WWOX: variants seen among roughly 807,000 people sequenced by gnomAD.
The protein encoded by WWOX is WW domain containing oxidoreductase, also known as WW domain-containing oxidoreductase.
Under a neutral mutation model 46.2 loss-of-function variants are expected in WWOX, and 69 were observed. The observed-to-expected ratio is 1.49, with a 90% CI of 1.23 to 1.82. WWOX has a LOEUF of 1.82. Among genes scored for constraint, WWOX ranks in the 40% most tolerant of loss-of-function variants. The pLI is 0.00. For synonymous variants in WWOX, 359 were observed against 202.6 expected (o/e 1.77, Z -6.56); for missense variants, 919 against 542.6 (o/e 1.69, Z -6.89).
chr16:79,211,521 C>A, intron 8 of WWOX, 87 bp from the exon 9 acceptor site: 2 of 1,562,930 alleles, frequency 1.3e-6, no homozygotes, highest in Non-Finnish European at 1.7e-6. Flanking sequence ...GTGGGGGAGG[C>A]CTGCTAATGC....
chr16:78,287,206 C>T (rs1032172676), intron 5 of WWOX, among the ~76,000 whole-genome samples: 1 of 152,258 alleles, frequency 6.6e-6, no homozygotes, highest in Non-Finnish European at 1.5e-5. Context: ...AATGAGGCTT[C>T]ATGCTTCCTA....
intron 8 of WWOX, chr16:78,552,937 C>G (rs1488129914): frequency 1.3e-5 from 2 of 152,196 alleles, no homozygotes; most frequent in Non-Finnish European, 2.9e-5. Flanking sequence ...TGGGAAAGCC[C>G]CAGGGTTGGG....
intron 5 of WWOX, among the ~76,000 whole-genome samples, chr16:78,374,435 G>A (rs887465481): frequency 6.7e-6 from 1 of 150,294 alleles, no homozygotes; most frequent in South Asian, 2.1e-4. Context: ...ATTTGGTCCT[G>A]TAGCTACTCC....
At chr16:79,131,603 T>C (rs2049879858) in intron 8 of WWOX, among the ~76,000 whole-genome samples, 1 of 152,188 alleles carries the variant, frequency 6.6e-6, no homozygotes, top group East Asian at 1.9e-4. Flanking sequence ...AACCTTGTCA[T>C]AGTTAAAGTC....
intron 5 of WWOX, among the ~76,000 whole-genome samples, chr16:78,198,274 TGGATTCCTACCAGA>T (rs1180777531): frequency 6.6e-6 from 1 of 152,192 alleles, no homozygotes; most frequent in Non-Finnish European, 1.5e-5. Context: ...TCCTGGGAAC[TGGATTCCTACCAGA>T]GGAATTAGAA....
Position 78,639,065 on chromosome 16 carries a change from G to C in WWOX, c.1056+206313G>C, listed in dbSNP as rs547070074. Among the ~76,000 whole-genome samples, 8 of 152,266 alleles carry C rather than the reference G, an allele frequency of 5.3e-5. No individual in the cohort carries two copies. In the South Asian group the frequency reaches 1.7e-3, roughly 32 times the overall value. On this transcript the variant is annotated intron_variant, in intron 8 of 8. Coordinates refer to ENST00000566780, the MANE Select transcript of WWOX (RefSeq NM_016373.4). Reference sequence around the variant, plus strand: ...GGGGGATGAACAGAAACACACTTTAGTGCTAGAAAAGCTGGGCCTAAAAGA... The same window carrying C: ...GGGGGATGAACAGAAACACACTTTACTGCTAGAAAAGCTGGGCCTAAAAGA...
intron 8 of WWOX, among the ~76,000 whole-genome samples, chr16:78,533,949 G>C (rs1480180217): frequency 6.6e-6 from 1 of 152,202 alleles, no homozygotes; most frequent in Non-Finnish European, 1.5e-5. Context: ...CAGATACAGA[G>C]TAGTAACCCT....
chr16:78,332,652 C>G (rs1313086863), intron 5 of WWOX, among the ~76,000 whole-genome samples: 1 of 152,108 alleles, frequency 6.6e-6, no homozygotes, highest in Non-Finnish European at 1.5e-5. Flanking sequence ...TCCTCTCTGT[C>G]ATTGTGATTG....
intron 8 of WWOX, among the ~76,000 whole-genome samples, chr16:78,792,390 C>G (rs975859326): frequency 6.6e-6 from 1 of 152,118 alleles, no homozygotes; most frequent in African/African-American, 2.4e-5. Flanking sequence ...CAGGCAGAAA[C>G]ATAAAAAGCT....
At chr16:78,409,176 T>C (rs1325274143) in intron 6 of WWOX, among the ~76,000 whole-genome samples, 1 of 152,190 alleles carries the variant, frequency 6.6e-6, no homozygotes, top group Non-Finnish European at 1.5e-5. Flanking sequence ...CTTTTAGAAA[T>C]ACAGAAAGTC....
chr16:79,000,092 T>C lies in WWOX; in HGVS notation c.1057-211516T>C, dbSNP rs550538012. Among the ~76,000 whole-genome samples, 8 of 152,288 alleles carry C rather than the reference T, an allele frequency of 5.3e-5. No homozygotes were observed. The East Asian group carries it at 1.5e-3, about 29-fold the overall frequency. The stretch of plus-strand genomic sequence containing the variant: ...CTGGGATAAAAACCAGGATCCTTCA[T>C]GTGTCTGAGCAGGCTTCCCACCATT... On this transcript the variant is annotated intron_variant, in intron 8 of 8. Coordinates refer to ENST00000566780, the MANE Select transcript of WWOX (RefSeq NM_016373.4).
chr16:78,280,224 C>G (rs1407462774), intron 5 of WWOX, among the ~76,000 whole-genome samples: 2 of 152,180 alleles, frequency 1.3e-5, no homozygotes, highest in Non-Finnish European at 2.9e-5. Flanking sequence ...ACTTTATCGT[C>G]CATTGCTGGG....
intron 8 of WWOX, among the ~76,000 whole-genome samples, chr16:78,965,643 A>G (rs2046350780): frequency 6.6e-6 from 1 of 151,402 alleles, no homozygotes; most frequent in Non-Finnish European, 1.5e-5. Flanking sequence ...TGGCACTGTT[A>G]GCATCTCTGG....
chr16:78,112,362 T>A (rs2032540201), intron 3 of WWOX, among the ~76,000 whole-genome samples: 1 of 152,210 alleles, frequency 6.6e-6, no homozygotes, highest in South Asian at 2.1e-4. Context: ...TCCCATGTTA[T>A]CAGTTTGTGT....
At chr16:79,109,296 C>T (rs2049371049) in intron 8 of WWOX, among the ~76,000 whole-genome samples, 1 of 152,182 alleles carries the variant, frequency 6.6e-6, no homozygotes, top group African/African-American at 2.4e-5. Flanking sequence ...CCTTGTCTCC[C>T]AGACCCCCAG....
chr16:78,771,617 C>T (rs1282869098), intron 8 of WWOX, among the ~76,000 whole-genome samples: 2 of 151,960 alleles, frequency 1.3e-5, no homozygotes, highest in African/African-American at 4.8e-5. Flanking sequence ...ACTAGAAATA[C>T]AAAAATTGGG....
intron 8 of WWOX, among the ~76,000 whole-genome samples, chr16:78,767,424 C>G (rs2049949435): frequency 6.6e-6 from 1 of 151,976 alleles, no homozygotes; most frequent in Non-Finnish European, 1.5e-5. Context: ...GCCACCACAC[C>G]TGCCACAAAA....
At chr16:78,623,824 A>C (rs1219011964) in intron 8 of WWOX, among the ~76,000 whole-genome samples, 1 of 152,130 alleles carries the variant, frequency 6.6e-6, no homozygotes, top group East Asian at 1.9e-4. Flanking sequence ...ATATACATAC[A>C]TTACTGGGAT....
chr16:78,913,840 T>A (rs750163358), intron 8 of WWOX, among the ~76,000 whole-genome samples: 3 of 151,944 alleles, frequency 2.0e-5, no homozygotes, highest in Non-Finnish European at 4.4e-5. Context: ...TTTGTATTTT[T>A]TGTAGATACG....
Sources: gnomAD v4.1 joint callset for allele counts (sites outside exome capture counted in the v4.1 genomes callset) on GRCh38, gnomAD v4.1.1 for gene constraint, MANE v1.5 for transcripts, NCBI Gene and HGNC (gene_info 2026-07-23, HGNC 2026-07-21) for gene names.